Variants in CRYZL1 observed in about 807,000 individuals in gnomAD.
CRYZL1 encodes ferry endosomal RAB5 effector complex subunit 4.
CRYZL1 carries 34 observed loss-of-function variants against 50.6 expected under a neutral mutation model. The observed-to-expected ratio is 0.67, with a 90% confidence interval of 0.51 to 0.89. The LOEUF (loss-of-function observed/expected upper bound fraction) is 0.89. Ranked by LOEUF, CRYZL1 falls within the 40% of genes least tolerant of loss-of-function variation. The probability of loss-of-function intolerance (pLI) is 0.00; values close to 1 mark genes in which losing one functional copy is unlikely to be tolerated. For synonymous variants in CRYZL1, 125 were observed against 134.3 expected, an observed-to-expected ratio of 0.93 and a Z score of 0.48; for missense variants, 354 against 402.3, an observed-to-expected ratio of 0.88 and a Z score of 1.03.
chr21:33,629,369 A>G (rs934105169), intron 2 of CRYZL1, among the ~76,000 whole-genome samples: 3 of 152,094 alleles, frequency 2.0e-5, no homozygotes, highest in African/African-American at 4.8e-5. Context: ...TCAAGCAATG[A>G]TCCTGCCTCA....
chr21:33,637,782 TATATATAC>T (rs916554495), intron 1 of CRYZL1, among the ~76,000 whole-genome samples: 6 of 146,598 alleles, frequency 4.1e-5, no homozygotes, highest in African/African-American at 1.5e-4. Context: ...TATATATATA[TATATATAC>T]ACACACACAC....
chr21:33,637,718 A>C (rs1309959169), intron 1 of CRYZL1, among the ~76,000 whole-genome samples: 1 of 149,594 alleles, frequency 6.7e-6, no homozygotes, highest in Non-Finnish European at 1.5e-5. Flanking sequence ...TTCATTTTTA[A>C]GGAAAGCAAA....
chr21:33,597,283 A>C lies in CRYZL1; in HGVS notation c.795T>G (p.Leu265=). The change falls in exon 10 of 13, where the codon CTT becomes CTG. Residue 265 remains leucine (L), a synonymous_variant. Transcript: ENST00000381554. ...GGHWVTTEEN[L]QLDPPDSHCL... is the part of the protein sequence containing the mutation. The stretch of plus-strand genomic sequence containing the variant: ...GCTTTATGGTTTCTGATAGTACCTG[A>C]AGGTTTTCTTCTGTTGTTACCCAGT... The C allele has an allele frequency of 6.2e-7, 1 of 1,613,670 alleles. No homozygotes were observed. Among genetic ancestry groups the C allele is most frequent in the Non-Finnish European group, 8.5e-7 (1 of 1,179,680 alleles).
intron 10 of CRYZL1, 54 bp from the exon 11 acceptor site, chr21:33,595,890 T>C (rs749718063): frequency 2.8e-5 from 33 of 1,198,946 alleles, no homozygotes; most frequent in African/African-American, 6.0e-5. Flanking sequence ...AACAGCAGGA[T>C]GACTGGTATC....
rs1160348889 is a variant in CRYZL1 at position 33,595,730 on chromosome 21, T to C, written c.904+1A>G. ...ACTCAATCAGTCGATAAAAAGGATA[T>C]AAAGATATTTTCCCTGTTGTACATT... On this transcript the variant is annotated splice_donor_variant, in intron 11 of 12. Coordinates refer to ENST00000381554, the MANE Select transcript of CRYZL1 (RefSeq NM_145858.3). LOFTEE classifies it high-confidence loss of function. 5 of 1,612,578 alleles carry C rather than the reference T, an allele frequency of 3.1e-6. No homozygotes were observed. The highest frequency in any genetic ancestry group is 4.2e-6 in the Non-Finnish European group (5 of 1,178,678).
chr21:33,614,729 G>A (rs1013440842), intron 5 of CRYZL1, among the ~76,000 whole-genome samples: 1 of 151,926 alleles, frequency 6.6e-6, no homozygotes, highest in African/African-American at 2.4e-5. Context: ...GCACCACCAC[G>A]CCCAGCTAAT....
chr21:33,636,827 T>A (rs774805839), intron 1 of CRYZL1, among the ~76,000 whole-genome samples: 2 of 152,306 alleles, frequency 1.3e-5, no homozygotes, highest in East Asian at 1.9e-4. Flanking sequence ...TTTTTCTTTT[T>A]AGACAGTTTC....
chr21:33,631,644 G>T, intron 1 of CRYZL1, 87 bp from the exon 2 acceptor site: 1 of 802,836 alleles, frequency 1.2e-6, no homozygotes, highest in Non-Finnish European at 1.8e-6. Context: ...GCTGGCAAAG[G>T]ATAAAACGAC....
At chr21:33,616,607 T>C in intron 5 of CRYZL1, 99 bp downstream of exon 5, 1 of 1,586,390 alleles carries the variant, frequency 6.3e-7, no homozygotes, top group Middle Eastern at 1.7e-4. Flanking sequence ...AGTACTTCTA[T>C]ATGAAGCAAG....
At chr21:33,606,243 G>A (rs936550711) in intron 6 of CRYZL1, among the ~76,000 whole-genome samples, 11 of 152,158 alleles carry the variant, frequency 7.2e-5, no homozygotes, top group African/African-American at 2.4e-4. Flanking sequence ...CTCAATCAAC[G>A]TATAATTTAC....
chr21:33,600,933 G>GTTTTTTTTTTTTTTTTTTTT lies in CRYZL1; in HGVS notation c.577+1281_577+1300dup, dbSNP rs764185960. Among the ~76,000 whole-genome samples the GTTTTTTTTTTTTTTTTTTTT allele has an allele frequency of 6.7e-5, 4 of 59,520 alleles. 2 individuals are homozygous for GTTTTTTTTTTTTTTTTTTTT. The highest frequency in any genetic ancestry group is 1.2e-4 in the Non-Finnish European group (4 of 32,430). The allele number at this position is 59,520 out of a possible 152,430, so 39.0% of individuals were successfully genotyped here. Reference sequence around the variant, plus strand: ...TGAGCCACTGTGCCCGGTCCATAAAGTTTTTTTTTTTTTTTTTTTTGGGGG... The same window carrying GTTTTTTTTTTTTTTTTTTTT: ...TGAGCCACTGTGCCCGGTCCATAAAGTTTTTTTTTTTTTTTTTTTTTTTTTTTTTTTTTTTTTTTTGGGGG... On this transcript the variant is annotated intron_variant, in intron 8 of 12. Coordinates refer to ENST00000381554, the MANE Select transcript of CRYZL1 (RefSeq NM_145858.3).
chr21:33,596,254 A>C, intron 10 of CRYZL1: 1 of 422,284 alleles, frequency 2.4e-6, no homozygotes, highest in Non-Finnish European at 4.8e-6. Context: ...TCCAATTTGA[A>C]TAATTAGGAA....
intron 2 of CRYZL1, 34 bp downstream of exon 2, chr21:33,631,452 C>G (rs1475249901): frequency 7.0e-7 from 1 of 1,428,156 alleles, no homozygotes. Flanking sequence ...TAAAAATACA[C>G]TAACTACTTT....
rs771852201 is a variant in CRYZL1, at chr21:33,603,552, A to G, written c.332-15T>C. 1.9e-6 allele frequency: 3 copies of G among 1,613,652 alleles called. No individual in the cohort carries two copies. The highest frequency in any genetic ancestry group is 2.5e-6 in the Non-Finnish European group (3 of 1,180,026). On this transcript the variant is annotated splice_polypyrimidine_tract_variant and intron_variant, in intron 6 of 12. Transcript: ENST00000381554. ...TGGTTTATGAACTATCATAAAGAAC[A>G]AGAAGAAACAATCTGTTAGCAAGTC...
chr21:33,637,760 C>CATATATATATATATATATAT (rs10536195), intron 1 of CRYZL1, among the ~76,000 whole-genome samples: 6 of 131,732 alleles, frequency 4.6e-5, no homozygotes, highest in African/African-American at 1.4e-4. Context: ...AAGAGAAAAA[C>CATATATATATATATATATAT]ATATATATAT....
chr21:33,639,764 T>C (rs2087254452), intron 1 of CRYZL1: 1 of 152,746 alleles, frequency 6.5e-6, no homozygotes, highest in Non-Finnish European at 1.5e-5. Context: ...GTCTTTATTA[T>C]GCATAAAATG....
rs1424759094 is a variant in CRYZL1, at chr21:33,599,170, T to C, written c.656A>G (p.Asp219Gly). 8 of 1,613,904 alleles carry C rather than the reference T, an allele frequency of 5.0e-6. No individual in the cohort carries two copies. In the Admixed American group the frequency reaches 8.3e-5, roughly 17 times the overall value. ...CLEETGGLGVDIVLDAGVRLY... is the reference protein window; with the variant it reads ...CLEETGGLGVGIVLDAGVRLY... ...CCTACCTCCAGCATCTAGGACAATATCTACTCCCAGGCCACCTGTTTCTTC... is the reference window on the plus strand; with the variant it reads ...CCTACCTCCAGCATCTAGGACAATACCTACTCCCAGGCCACCTGTTTCTTC... The change falls in exon 9 of 13, where the codon GAT becomes GGT. Residue 219 changes from aspartate to glycine, a missense_variant. Transcript: ENST00000381554.
At chr21:33,593,936 G>A (rs1273661337) in intron 11 of CRYZL1, among the ~76,000 whole-genome samples, 1 of 117,864 alleles carries the variant, frequency 8.5e-6, no homozygotes. Context: ...AGTGAGCCAA[G>A]CTCATGCCAC....
chr21:33,631,616 CAAAAATGGAA>C lies in CRYZL1; in HGVS notation c.-6-69_-6-60del, dbSNP rs1418872109. ...ACAAGTCTTCCAGACTAAATGTAAG[CAAAAATGGAA>C]AAACAGTGCTGGCAAAGGATAAAAC... On this transcript the variant is annotated intron_variant, in intron 1 of 12. Transcript: ENST00000381554. The C allele has an allele frequency of 1.2e-5, 14 of 1,149,810 alleles. No homozygotes were observed. The South Asian group carries it at 3.1e-4, about 25-fold the overall frequency. 71.2% of individuals were successfully genotyped at this position (1,149,810 alleles called of 1,614,324 possible). A position where few individuals can be genotyped will look rare whatever the true frequency, so the allele number is the denominator to read the frequency against.
Sources: allele counts gnomAD v4.1 joint callset (sites outside exome capture counted in the v4.1 genomes callset), GRCh38; gene constraint gnomAD v4.1.1; transcripts MANE v1.5; gene names NCBI Gene and HGNC (gene_info 2026-07-23, HGNC 2026-07-21).